CCDC88A: variants seen among roughly 807,000 people sequenced by gnomAD.
CCDC88A encodes the protein girdin.
CCDC88A carries 54 observed loss-of-function variants against 234.3 expected under a neutral mutation model. The ratio of observed to expected loss-of-function variants is 0.23; its 90% confidence interval spans 0.19 to 0.29. The LOEUF (loss-of-function observed/expected upper bound fraction) is 0.29, where lower values mean the gene tolerates loss of function less well. Ranked by LOEUF, CCDC88A falls within the 10% of genes least tolerant of loss-of-function variation. The probability of loss-of-function intolerance (pLI) is 1.00; values close to 1 mark genes in which losing one functional copy is unlikely to be tolerated. For missense variants in CCDC88A, 1,832 were observed against 2,123.4 expected, an observed-to-expected ratio of 0.86 and a Z score of 2.70; for synonymous variants, 753 against 737.8, an observed-to-expected ratio of 1.02 and a Z score of -0.33.
At chr2:55,324,354 C>G (rs1320303345) in intron 17 of CCDC88A, 1 of 152,178 alleles carries the variant, frequency 6.6e-6, no homozygotes, top group African/African-American at 2.4e-5. Flanking sequence ...CAGAACACTT[C>G]CATCACTCTA....
chr2:55,403,855 C>A (rs1323818544), intron 2 of CCDC88A: 1 of 152,208 alleles, frequency 6.6e-6, no homozygotes, highest in Non-Finnish European at 1.5e-5. Flanking sequence ...CAGCACTGAT[C>A]TGTGATGGAA....
intron 7 of CCDC88A, among the ~76,000 whole-genome samples, chr2:55,357,478 C>T (rs1011822358): frequency 1.3e-5 from 2 of 151,830 alleles, no homozygotes; most frequent in African/African-American, 4.8e-5. Context: ...GCTATAGGTA[C>T]CTATTCCTCC....
At chr2:55,367,528 G>GTTTTTTTTTTTTTTGTT in intron 5 of CCDC88A, among the ~76,000 whole-genome samples, 9 of 99,876 alleles carry the variant, frequency 9.0e-5, no homozygotes, top group Admixed American at 2.3e-4. Flanking sequence ...TTATTTCCTT[G>GTTTTTTTTTTTTTTGTT]TTTTTTTTTA....
At chr2:55,320,819 T>G (rs891294743) in intron 18 of CCDC88A, 2 of 152,190 alleles carry the variant, frequency 1.3e-5, no homozygotes, top group Admixed American at 6.6e-5. Context: ...AAAATTGATG[T>G]GATTTTTAGG....
At position 55,391,914 on chromosome 2, in the gene CCDC88A, G is replaced by A. The variant is rs145382208; in HGVS notation, c.165-3028C>T. On this transcript the variant is annotated intron_variant, in intron 2 of 32. Coordinates refer to ENST00000436346, the MANE Select transcript of CCDC88A (RefSeq NM_001365480.1). ...TCAGAATCGCACTTGGCATGTGGTA[G>A]TCTGAACTGCAATCTTTAATCTCTT... 3.2e-3 allele frequency among the ~76,000 whole-genome samples: 491 copies of A among 152,294 alleles called. 1 individual carries two copies. The highest frequency in any genetic ancestry group is 0.011 in the African/African-American group (459 of 41,558).
rs1669071679 is a variant in CCDC88A, at chr2:55,346,036, T to C, written c.1041+139A>G. 5.2e-6 allele frequency: 3 copies of C among 575,594 alleles called. No individual in the cohort carries two copies. The East Asian group carries it at 8.9e-5, about 17-fold the overall frequency. 35.7% of individuals were successfully genotyped at this position (575,594 alleles called of 1,614,324 possible). On this transcript the variant is annotated intron_variant, in intron 10 of 32. Coordinates refer to ENST00000436346, the MANE Select transcript of CCDC88A (RefSeq NM_001365480.1). The stretch of plus-strand genomic sequence containing the variant: ...TAACTAAAAGCAATATGCTAATCTA[T>C]CATAAAATAAACATACCCAAATGTA...
At chr2:55,360,059 G>A (rs966718336) in intron 7 of CCDC88A, among the ~76,000 whole-genome samples, 1 of 152,092 alleles carries the variant, frequency 6.6e-6, no homozygotes, top group African/African-American at 2.4e-5. Flanking sequence ...GGGTTTTCAT[G>A]CAGATTTAAT....
At chr2:55,376,339 G>A (rs1266654747) in intron 3 of CCDC88A, among the ~76,000 whole-genome samples, 1 of 152,154 alleles carries the variant, frequency 6.6e-6, no homozygotes, top group African/African-American at 2.4e-5. Flanking sequence ...ATACGTTTTT[G>A]AAGGTATTCA....
intron 3 of CCDC88A, among the ~76,000 whole-genome samples, chr2:55,386,283 T>A (rs959465082): frequency 6.6e-6 from 1 of 151,152 alleles, no homozygotes; most frequent in African/African-American, 2.4e-5. Flanking sequence ...AGAAAAATAA[T>A]TGTCAACCTA....
intron 7 of CCDC88A, among the ~76,000 whole-genome samples, chr2:55,360,986 G>A (rs769794095): frequency 2.0e-5 from 3 of 152,146 alleles, no homozygotes; most frequent in Admixed American, 6.5e-5. Flanking sequence ...CTACTTGGGA[G>A]GCTGAGGCAG....
chr2:55,381,551 T>G, intron 3 of CCDC88A, among the ~76,000 whole-genome samples: 1 of 8,594 alleles, frequency 1.2e-4, no homozygotes, highest in Admixed American at 1.1e-3. Flanking sequence ...AGACCCTGTC[T>G]CAAAAAAAAA....
intron 17 of CCDC88A, chr2:55,323,875 C>T (rs1425419039): frequency 6.6e-6 from 1 of 152,200 alleles, no homozygotes; most frequent in African/African-American, 2.4e-5. Flanking sequence ...CCATGCCTGG[C>T]TAAGTTTTGT....
intron 2 of CCDC88A, chr2:55,405,455 A>G (rs1458517284): frequency 1.3e-5 from 2 of 152,278 alleles, no homozygotes; most frequent in African/African-American, 2.4e-5. Context: ...AAGCAACCTA[A>G]TAACTAGAGA....
At chr2:55,351,286 ACATTAAGTAT>A (rs1197358814) in intron 8 of CCDC88A, among the ~76,000 whole-genome samples, 4 of 152,136 alleles carry the variant, frequency 2.6e-5, no homozygotes. Context: ...CATTTGAAAC[ACATTAAGTAT>A]CCCTTTTCTG....
In CCDC88A at chr2:55,328,234, T is replaced by C; in HGVS notation, c.2997+60A>G. 8.3e-7 allele frequency: 1 copy of C among 1,199,158 alleles called. No homozygotes were observed. Among genetic ancestry groups the C allele is most frequent in the South Asian group, 1.5e-5 (1 of 66,446 alleles). 74.3% of individuals were successfully genotyped at this position (1,199,158 alleles called of 1,614,324 possible). On this transcript the variant is annotated intron_variant, in intron 17 of 32. Transcript: ENST00000436346. The surrounding 1 kb of genome is among the most constrained non-coding windows in gnomAD (Gnocchi z 4.3). ...ATTTTTATTTTCTACTTTATATTTT[T>C]CTGTCCAAATATTTATATAATAAAT...
chr2:55,349,748 T>TA, intron 8 of CCDC88A, 149 bp from the exon 9 acceptor site: 1 of 520,598 alleles, frequency 1.9e-6, no homozygotes, highest in Non-Finnish European at 3.3e-6. Flanking sequence ...AAAAAAAAGA[T>TA]AGATATTAGG....
At chr2:55,372,007 AAC>A (rs1182074217) in intron 5 of CCDC88A, among the ~76,000 whole-genome samples, 9 of 152,124 alleles carry the variant, frequency 5.9e-5, no homozygotes, top group African/African-American at 2.2e-4. Context: ...AGATTCCTAA[AAC>A]ACTTTTCATA....
At chr2:55,356,853 G>A (rs148186403) in intron 7 of CCDC88A, 1 of 152,160 alleles carries the variant, frequency 6.6e-6, no homozygotes, top group East Asian at 1.9e-4. Flanking sequence ...GTTACAATGA[G>A]CCAAGATTGC....
At chr2:55,417,041 G>GT (rs1243201923) in intron 2 of CCDC88A, 1 of 151,900 alleles carries the variant, frequency 6.6e-6, no homozygotes, top group Non-Finnish European at 1.5e-5. Context: ...AAAGGAGCTA[G>GT]TCCTCATGAA....
Sources: gnomAD v4.1 joint callset for allele counts (sites outside exome capture counted in the v4.1 genomes callset) on GRCh38, gnomAD v4.1.1 for gene constraint, Gnocchi (gnomAD v3.1) non-coding constraint, MANE v1.5 for transcripts, NCBI Gene and HGNC (gene_info 2026-07-23, HGNC 2026-07-21) for gene names.